The following SLITRK1 variants were observed in gnomAD, a reference collection of about 807,000 sequenced individuals.
SLITRK1 encodes SLIT and NTRK like family member 1.
A neutral mutation model predicts 42.4 loss-of-function variants in SLITRK1; 10 were observed. The observed-to-expected ratio is 0.24, with a 90% CI of 0.15 to 0.40. The LOEUF (loss-of-function observed/expected upper bound fraction) is 0.40. Among genes scored for constraint, SLITRK1 ranks in the 10% least tolerant of loss-of-function variants. The pLI is 1.00. For synonymous variants in SLITRK1, 389 were observed against 365.7 expected, an observed-to-expected ratio of 1.06 and a Z score of -0.73; for missense variants, 778 against 848.8, an observed-to-expected ratio of 0.92 and a Z score of 1.04.
rs1296255183 is a variant in SLITRK1, at chr13:83,881,585, G to A, written c.-53-25C>T. The A allele has an allele frequency of 8.8e-6, 11 of 1,249,260 alleles. No individual in the cohort carries two copies. In the South Asian group the frequency reaches 1.2e-4, roughly 13 times the overall value. The allele number at this position is 1,249,260 out of a possible 1,614,324, so 77.4% of individuals were successfully genotyped here. ...CCTGCTCGCCACAGACACAATTCAA[G>A]TTCATTTAGTGCTCCAATGTCCGAA... On this transcript the variant is annotated intron_variant, in intron 1 of 1. Coordinates refer to ENST00000674365, the MANE Select transcript of SLITRK1 (RefSeq NM_001281503.2).
chr13:83,879,683 A>G lies in SLITRK1; in HGVS notation c.1825T>C (p.Tyr609His). 2 of 1,613,916 alleles carry G rather than the reference A, an allele frequency of 1.2e-6. No homozygotes were observed. The highest frequency in any genetic ancestry group is 1.7e-6 in the Non-Finnish European group (2 of 1,180,002). ...LAETGTHSNS[Y>H]LDTSRVSISV... Reference sequence around the variant, plus strand: ...ATGGACACCCTGCTGGTGTCTAGGTAGGAGTTGGAGTGCGTCCCGGTCTCC... The same window carrying G: ...ATGGACACCCTGCTGGTGTCTAGGTGGGAGTTGGAGTGCGTCCCGGTCTCC... The change falls in exon 2 of 2, where the codon TAC becomes CAC. Residue 609 changes from tyrosine (Y) to histidine (H), a missense_variant. Transcript: ENST00000674365.
In SLITRK1 at chr13:83,880,080, G is replaced by C; in HGVS notation, c.1428C>G (p.Leu476=). ...ACCTCAGCAGGTTGTTGTTGAGAAT[G>C]AGGATCCTCAGTTTGGGCATGGCAT... ...TFNAMPKLRI[L]ILNNNLLRSL... is the part of the protein sequence containing the mutation. Residue 476 remains leucine, a synonymous_variant, in exon 2 of 2, where the codon CTC becomes CTG. Coordinates refer to ENST00000674365, the MANE Select transcript of SLITRK1 (RefSeq NM_001281503.2). 1 of 1,614,062 alleles carries C rather than the reference G, an allele frequency of 6.2e-7. No individual in the cohort carries two copies. Among genetic ancestry groups the C allele is most frequent in the Non-Finnish European group, 8.5e-7 (1 of 1,180,010 alleles).
rs1340118654 is a variant in SLITRK1 at position 83,877,794 on chromosome 13, G to A, written c.*1623C>T. 6.6e-6 allele frequency: 1 copy of A among 152,450 alleles called. No individual in the cohort carries two copies. Among genetic ancestry groups the A allele is most frequent in the East Asian group, 1.9e-4 (1 of 5,164 alleles). 9.4% of individuals were successfully genotyped at this position (152,450 alleles called of 1,614,324 possible). On this transcript the variant is annotated 3_prime_UTR_variant, in exon 2 of 2. Coordinates refer to ENST00000674365, the MANE Select transcript of SLITRK1 (RefSeq NM_001281503.2). ...GTCATTAGGTCTGTCTTTCATTGAG[G>A]AGTGCTGACCAATGAAATCTCCACT... is the stretch of plus-strand genomic sequence containing the variant.
rs747915083 is a variant in SLITRK1, at chr13:83,880,598, C to G, written c.910G>C (p.Ala304Pro). The change falls in exon 2 of 2, where the codon GCT becomes CCT. Residue 304 changes from alanine to proline, a missense_variant. Physicochemically the swap from Ala to Pro is conservative, Grantham distance 27. Coordinates refer to ENST00000674365, the MANE Select transcript of SLITRK1 (RefSeq NM_001281503.2). ...GGGATCTTTGTACCTCCGTTTGGAG[C>G]AGACCCTGGTGTGGCATGATCCTCT... ...GQEDHATPGSAPNGGTKIPGN... is the reference protein window; with the variant it reads ...GQEDHATPGSPPNGGTKIPGN... 3 of 1,614,166 alleles carry G rather than the reference C, an allele frequency of 1.9e-6. No individual in the cohort carries two copies. The East Asian group carries it at 6.7e-5, about 36-fold the overall frequency.
In SLITRK1 at chr13:83,880,350, C is replaced by A. The variant is rs769913716; in HGVS notation, c.1158G>T (p.Lys386Asn). 3 of 1,613,894 alleles carry A rather than the reference C, an allele frequency of 1.9e-6. No individual in the cohort carries two copies. The highest frequency in any genetic ancestry group is 1.7e-5 in the Admixed American group (1 of 60,006). ...AGTGCGATTTTCGGATGCTGTGGAT[C>A]TTGTTATCTCGTAGGAAAAGCTCCT... ...NVQELFLRDNKIHSIRKSHFV... is the reference protein window; with the variant it reads ...NVQELFLRDNNIHSIRKSHFV... The change falls in exon 2 of 2, where the codon AAG becomes AAT. Residue 386 changes from lysine to asparagine, a missense_variant. Around this residue, in one of 4 missense-constraint regions of SLITRK1, gnomAD observed 395 missense variants for 360.4 expected, o/e 1.10. Transcript: ENST00000674365.
At position 83,881,149 on chromosome 13, in the gene SLITRK1, G is replaced by C. The variant is rs534232464; in HGVS notation, c.359C>G (p.Ser120Cys). The C allele has an allele frequency of 1.2e-6, 2 of 1,614,078 alleles. No individual in the cohort carries two copies. Among genetic ancestry groups the C allele is most frequent in the East Asian group, 2.2e-5 (1 of 44,868 alleles). ...CCCCAGAAAAGTCTGCTTTCGAAAA[G>C]ACTTGATCTTGTTGTTGTTGATGTG... Reference protein sequence around the residue: ...RLHINNNKIKSFRKQTFLGLD... With the variant: ...RLHINNNKIKCFRKQTFLGLD... The change falls in exon 2 of 2, where the codon TCT becomes TGT. Residue 120 changes from serine (S) to cysteine (C), a missense_variant. By Grantham distance (112) the Ser-to-Cys change is moderately radical. Coordinates refer to ENST00000674365, the MANE Select transcript of SLITRK1 (RefSeq NM_001281503.2).
rs1342709110 is a variant in SLITRK1, at chr13:83,879,364, G to C, written c.*53C>G. On this transcript the variant is annotated 3_prime_UTR_variant, in exon 2 of 2. Coordinates refer to ENST00000674365, the MANE Select transcript of SLITRK1 (RefSeq NM_001281503.2). ...CCCTCCAGCCCCCGGGGTGCCTGCGGTGGGGAAGGATGTATCGCCTTCCCT... is the reference window on the plus strand; with the variant it reads ...CCCTCCAGCCCCCGGGGTGCCTGCGCTGGGGAAGGATGTATCGCCTTCCCT... 3.7e-6 allele frequency: 6 copies of C among 1,603,210 alleles called. No individual in the cohort carries two copies. In the East Asian group the frequency reaches 1.1e-4, roughly 30 times the overall value.
Position 83,880,174 on chromosome 13 carries a change from C to T in SLITRK1, c.1334G>A (p.Gly445Glu). Residue 445 changes from glycine (G) to glutamate (E), a missense_variant, in exon 2 of 2, where the codon GGG becomes GAG. Coordinates refer to ENST00000674365, the MANE Select transcript of SLITRK1 (RefSeq NM_001281503.2). ...GTTCAGGTACTCTAGGTTTTGCAGC[C>T]CCGCGAATTTCTCCCGGGACAGCGT... ...LDTLSREKFA[G>E]LQNLEYLNVE... 1 of 1,613,934 alleles carries T rather than the reference C, an allele frequency of 6.2e-7. No individual in the cohort carries two copies. The highest frequency in any genetic ancestry group is 8.5e-7 in the Non-Finnish European group (1 of 1,179,994).
intron 1 of SLITRK1, 189 bp from the exon 2 acceptor site, chr13:83,881,749 A>AAT (rs1884819751): frequency 1.2e-5 from 4 of 331,196 alleles, no homozygotes; most frequent in South Asian, 6.6e-5. Flanking sequence ...AAGGCAAGCA[A>AAT]AGAAAAAAAA....
Position 83,881,549 on chromosome 13 carries a change from A to G in SLITRK1, c.-42T>C, listed in dbSNP as rs1160710762. The G allele has an allele frequency of 6.3e-7, 1 of 1,580,734 alleles. No homozygotes were observed. On this transcript the variant is annotated 5_prime_UTR_variant, in exon 2 of 2. Transcript: ENST00000674365. ...TCATCCCCGATCTCATCACAAAGTA[A>G]CAGCGACCATCCTGCTCGCCACAGA...
chr13:83,880,708 A>G lies in SLITRK1; in HGVS notation c.800T>C (p.Val267Ala). The change falls in exon 2 of 2, where the codon GTG (valine) becomes GCG (alanine). Residue 267 changes from valine to alanine, a missense_variant. Coordinates refer to ENST00000674365, the MANE Select transcript of SLITRK1 (RefSeq NM_001281503.2). ...AGGGGGCGCCGGGAGACTAGAATCC[A>G]CTCGGTTTTTCAAAGGACACAAGTC... The part of the protein sequence containing the change: ...EQDLCPLKNR[V>A]DSSLPAPPAQ... 6.2e-7 allele frequency: 1 copy of G among 1,613,630 alleles called. No individual in the cohort carries two copies. Among genetic ancestry groups the G allele is most frequent in the Non-Finnish European group, 8.5e-7 (1 of 1,179,922 alleles).
At position 83,879,192 on chromosome 13, in the gene SLITRK1, G is replaced by T. The variant is rs1884751303; in HGVS notation, c.*225C>A. 2 of 579,026 alleles carry T rather than the reference G, an allele frequency of 3.5e-6. No homozygotes were observed. The highest frequency in any genetic ancestry group is 6.0e-5 in the East Asian group (2 of 33,340). 35.9% of individuals were successfully genotyped at this position (579,026 alleles called of 1,614,324 possible). On this transcript the variant is annotated 3_prime_UTR_variant, in exon 2 of 2. Coordinates refer to ENST00000674365, the MANE Select transcript of SLITRK1 (RefSeq NM_001281503.2). ...GGGGCTCTCAGCAAAGAGCGAGCTGGCTGCGCTCTCCCAGCTCTCCACAGT... is the reference window on the plus strand; with the variant it reads ...GGGGCTCTCAGCAAAGAGCGAGCTGTCTGCGCTCTCCCAGCTCTCCACAGT...
rs989932585 is a variant in SLITRK1, at chr13:83,879,270, G to C, written c.*147C>G. The C allele has an allele frequency of 2.0e-5, 19 of 958,950 alleles. No individual in the cohort carries two copies. The African/African-American group carries it at 2.6e-4, about 13-fold the overall frequency. The allele number at this position is 958,950 out of a possible 1,614,324, so 59.4% of individuals were successfully genotyped here. A position where few individuals can be genotyped will look rare whatever the true frequency, so the allele number is the denominator to read the frequency against. On this transcript the variant is annotated 3_prime_UTR_variant, in exon 2 of 2. Coordinates refer to ENST00000674365, the MANE Select transcript of SLITRK1 (RefSeq NM_001281503.2). The stretch of plus-strand genomic sequence containing the variant: ...AGTAAGGGGTCAGGCCCTTTCGGTT[G>C]TGCGAGCTCACAGTTATTTATCTAC...
Position 83,881,158 on chromosome 13 carries a change from T to G in SLITRK1, c.350A>C (p.Lys117Thr). 6.2e-7 allele frequency: 1 copy of G among 1,614,086 alleles called. No individual in the cohort carries two copies. Among genetic ancestry groups the G allele is most frequent in the Non-Finnish European group, 8.5e-7 (1 of 1,180,008 alleles). The part of the protein sequence containing the change: ...LVKRLHINNN[K>T]IKSFRKQTFL... ...AGTCTGCTTTCGAAAAGACTTGATC[T>G]TGTTGTTGTTGATGTGCAGCCTTTT... The change falls in exon 2 of 2, where the codon AAG becomes ACG. Residue 117 changes from lysine to threonine, a missense_variant. Physicochemically the swap from Lys to Thr is moderately conservative, Grantham distance 78. Coordinates refer to ENST00000674365, the MANE Select transcript of SLITRK1 (RefSeq NM_001281503.2).
In SLITRK1 at chr13:83,878,926, G is replaced by A. The variant is rs1335966900; in HGVS notation, c.*491C>T. 6.3e-6 allele frequency: 1 copy of A among 159,246 alleles called. No homozygotes were observed. The highest frequency in any genetic ancestry group is 1.8e-4 in the East Asian group (1 of 5,530). The allele number at this position is 159,246 out of a possible 1,614,324, so 9.9% of individuals were successfully genotyped here. The stretch of plus-strand genomic sequence containing the variant: ...CAGCACTTTTTGTTTTTTGTCAGAA[G>A]TCAAAGTTACTTATTTACAATACAT... On this transcript the variant is annotated 3_prime_UTR_variant, in exon 2 of 2. Coordinates refer to ENST00000674365, the MANE Select transcript of SLITRK1 (RefSeq NM_001281503.2).
At position 83,877,961 on chromosome 13, in the gene SLITRK1, T is replaced by A. The variant is rs1884724476; in HGVS notation, c.*1456A>T. On this transcript the variant is annotated 3_prime_UTR_variant, in exon 2 of 2. Transcript: ENST00000674365. ...TAATAAAGGGATTCACTGCTGCATT[T>A]GGAGAGGGGAAAAAAAGAAGGGGTG... 1 of 143,660 alleles carries A rather than the reference T, an allele frequency of 7.0e-6. No homozygotes were observed. The highest frequency in any genetic ancestry group is 7.8e-5 in the Admixed American group (1 of 12,896). 8.9% of individuals were successfully genotyped at this position (143,660 alleles called of 1,614,324 possible).
In SLITRK1 at chr13:83,880,506, G is replaced by C. The variant is rs200425087; in HGVS notation, c.1002C>G (p.Pro334=). The C allele has an allele frequency of 1.9e-6, 3 of 1,614,106 alleles. No homozygotes were observed. Among genetic ancestry groups the C allele is most frequent in the African/African-American group, 2.7e-5 (2 of 75,022 alleles). Residue 334 remains proline, a synonymous_variant, in exon 2 of 2, where the codon CCC becomes CCG. Transcript: ENST00000674365. ...CAGGGCAGGGTAAACTGTTAGCTAA[G>C]GGTTTGTTCCTGGAGCTACCCGTCG... is the stretch of plus-strand genomic sequence containing the variant. ...AIATGSSRNK[P]LANSLPCPGG...
chr13:83,879,769 T>C lies in SLITRK1; in HGVS notation c.1739A>G (p.Gln580Arg). The C allele has an allele frequency of 6.2e-7, 1 of 1,614,002 alleles. No individual in the cohort carries two copies. The highest frequency in any genetic ancestry group is 8.5e-7 in the Non-Finnish European group (1 of 1,180,004). The part of the protein sequence containing the change: ...MLLSNDEICP[Q>R]LYARISPTLT... Reference sequence around the variant, plus strand: ...CGTGGGCGAGATCCTAGCGTACAGCTGAGGGCAGATCTCGTCATTGGAGAG... The same window carrying C: ...CGTGGGCGAGATCCTAGCGTACAGCCGAGGGCAGATCTCGTCATTGGAGAG... The change falls in exon 2 of 2, where the codon CAG becomes CGG. Residue 580 changes from glutamine (Q) to arginine (R), a missense_variant. Gln to Arg is a conservative substitution (Grantham distance 43, BLOSUM62 1). Around this residue, in one of 4 missense-constraint regions of SLITRK1, gnomAD observed 164 missense variants for 158.2 expected, o/e 1.04. Transcript: ENST00000674365.
rs1884746739 is a variant in SLITRK1, at chr13:83,878,990, CAG to C, written c.*425_*426del. ...CAACTGCCCATCCCTGCGTAGCCAACAGGGAGCCATCACGGGGCTAATCCACA... is the reference window on the plus strand; with the variant it reads ...CAACTGCCCATCCCTGCGTAGCCAACGGAGCCATCACGGGGCTAATCCACA... On this transcript the variant is annotated 3_prime_UTR_variant, in exon 2 of 2. Coordinates refer to ENST00000674365, the MANE Select transcript of SLITRK1 (RefSeq NM_001281503.2). 1 of 182,264 alleles carries C rather than the reference CAG, an allele frequency of 5.5e-6. No individual in the cohort carries two copies. The highest frequency in any genetic ancestry group is 1.4e-4 in the East Asian group (1 of 7,082). 11.3% of individuals were successfully genotyped at this position (182,264 alleles called of 1,614,324 possible).
Sources: gnomAD v4.1 joint callset for allele counts on GRCh38, gnomAD v4.1.1 for gene constraint, gnomAD v4.1.1 regional missense constraint, MANE v1.5 for transcripts, NCBI Gene and HGNC (gene_info 2026-07-23, HGNC 2026-07-21) for gene names.